TASP1: variants seen among roughly 807,000 people sequenced by gnomAD.
TASP1 encodes the protein taspase 1.
Under a neutral mutation model 56.6 loss-of-function variants are expected in TASP1, and 16 were observed. That is an observed-to-expected ratio of 0.28 (90% confidence interval 0.19 to 0.43). The LOEUF (loss-of-function observed/expected upper bound fraction) is 0.43. Ranked by LOEUF, TASP1 falls within the 20% of genes least tolerant of loss-of-function variation. TASP1 has a pLI of 1.00. For missense variants in TASP1, 393 were observed against 511.6 expected (o/e 0.77, Z 2.24); for synonymous variants, 179 against 184.2 (o/e 0.97, Z 0.23).
In TASP1 at chr20:13,591,658, C is replaced by A. The variant is rs116214038; in HGVS notation, c.283-4288G>T. Among the ~76,000 whole-genome samples, 1,022 of 152,264 alleles carry A rather than the reference C, an allele frequency of 6.7e-3. 11 individuals carry two copies. Among genetic ancestry groups the A allele is most frequent in the African/African-American group, 0.023 (969 of 41,564 alleles). On this transcript the variant is annotated intron_variant, in intron 4 of 13. Coordinates refer to ENST00000337743, the MANE Select transcript of TASP1 (RefSeq NM_017714.3). ...TGCAAAAGAATGCAAGTGATTAATA[C>A]TCTAAATAAGTGGGAAGATATAAAG... is the stretch of plus-strand genomic sequence containing the variant.
intron 1 of TASP1, among the ~76,000 whole-genome samples, chr20:13,630,687 C>CAAAAAAAAAAAAAA (rs33973259): frequency 1.5e-5 from 1 of 65,548 alleles, no homozygotes; most frequent in East Asian, 4.5e-4. Context: ...AGCTCTGTCT[C>CAAAAAAAAAAAAAA]AAAAAAAAAA....
At chr20:13,142,927 T>C in the TASP1 span, among the ~76,000 whole-genome samples, 1 of 152,122 alleles carries the variant, frequency 6.6e-6, no homozygotes, top group Non-Finnish European at 1.5e-5. Context: ...TCTCTTTGAA[T>C]CTCTTTTAAA....
intron 10 of TASP1, among the ~76,000 whole-genome samples, chr20:13,498,253 C>T (rs1288369625): frequency 1.3e-5 from 2 of 151,742 alleles, no homozygotes; most frequent in African/African-American, 2.4e-5. Flanking sequence ...CTATAAGGAA[C>T]TTAACTCAAT....
At chr20:13,596,701 AC>A (rs1193698338) in intron 4 of TASP1, among the ~76,000 whole-genome samples, 26 of 152,340 alleles carry the variant, frequency 1.7e-4, no homozygotes, top group African/African-American at 5.1e-4. Context: ...ACTGAAGGAG[AC>A]AGAGACACAA....
At chr20:13,358,251 C>G in the TASP1 span, among the ~76,000 whole-genome samples, 4 of 152,180 alleles carry the variant, frequency 2.6e-5, no homozygotes, top group Non-Finnish European at 4.4e-5. Flanking sequence ...GGACTCAGCC[C>G]GCCTGCACCC....
chr20:13,309,990 T>C, the TASP1 span, among the ~76,000 whole-genome samples: 5 of 152,282 alleles, frequency 3.3e-5, no homozygotes, highest in South Asian at 8.3e-4. Flanking sequence ...TGGAAGAATT[T>C]ATATCACAAA....
At chr20:13,158,377 G>A in the TASP1 span, among the ~76,000 whole-genome samples, 3 of 152,146 alleles carry the variant, frequency 2.0e-5, no homozygotes, top group South Asian at 6.2e-4. Flanking sequence ...CGCCAGGTTA[G>A]ACTAATGAAT....
the TASP1 span, among the ~76,000 whole-genome samples, chr20:13,212,040 G>A: frequency 2.6e-5 from 4 of 152,068 alleles, no homozygotes; most frequent in Admixed American, 6.6e-5. Flanking sequence ...TGGGGTTTTT[G>A]GCAGAGATAA....
At chr20:13,581,939 C>A (rs953908009) in intron 5 of TASP1, among the ~76,000 whole-genome samples, 5 of 152,066 alleles carry the variant, frequency 3.3e-5, no homozygotes, top group African/African-American at 1.2e-4. Context: ...CAGCCAATAT[C>A]GGAGACCATA....
At chr20:13,200,438 C>T in the TASP1 span, among the ~76,000 whole-genome samples, 2 of 152,180 alleles carry the variant, frequency 1.3e-5, no homozygotes, top group Non-Finnish European at 2.9e-5. Flanking sequence ...CAAAATAAAC[C>T]TCAACAGCAT....
intron 11 of TASP1, among the ~76,000 whole-genome samples, chr20:13,443,796 C>T (rs2043303038): frequency 6.6e-6 from 1 of 152,130 alleles, no homozygotes; most frequent in Admixed American, 6.5e-5. Context: ...TAACAGATTC[C>T]TAATTAGAAA....
At chr20:13,108,786 C>T in the TASP1 span, among the ~76,000 whole-genome samples, 1 of 152,034 alleles carries the variant, frequency 6.6e-6, no homozygotes, top group Non-Finnish European at 1.5e-5. Flanking sequence ...ATGTTGGTCC[C>T]GAACTCCTGA....
rs144044186 is a variant in TASP1, at chr20:13,430,972, G to A, written c.1096+4072C>T. Among the ~76,000 whole-genome samples the A allele has an allele frequency of 4.6e-3, 694 of 152,280 alleles. 3 individuals are homozygous for A. Among genetic ancestry groups the A allele is most frequent in the East Asian group, 0.012 (60 of 5,190 alleles). On this transcript the variant is annotated intron_variant, in intron 12 of 13. Transcript: ENST00000337743. ...CCAGGAAACTCCATCAAGTGGCAAT[G>A]AGGTTCGACTGAAAACTGCTTGTGT...
At chr20:13,238,047 A>T in the TASP1 span, 1 of 152,326 alleles carries the variant, frequency 6.6e-6, no homozygotes, top group East Asian at 1.9e-4. Context: ...TCCTCCTTCA[A>T]AGCTCAATTG....
chr20:13,445,853 G>C (rs927100307), intron 11 of TASP1, among the ~76,000 whole-genome samples: 1 of 152,126 alleles, frequency 6.6e-6, no homozygotes, highest in Non-Finnish European at 1.5e-5. Context: ...GGGTGGTATA[G>C]ATGCATATCT....
At chr20:13,396,693 A>C (rs1425021359) in intron 13 of TASP1, among the ~76,000 whole-genome samples, 1 of 152,246 alleles carries the variant, frequency 6.6e-6, no homozygotes, top group East Asian at 1.9e-4. Flanking sequence ...TCCCGAGTTC[A>C]GCCAACCAAT....
chr20:13,584,772 A>G (rs1303099779), intron 5 of TASP1, among the ~76,000 whole-genome samples: 1 of 152,202 alleles, frequency 6.6e-6, no homozygotes, highest in Non-Finnish European at 1.5e-5. Flanking sequence ...CAACAAAGAA[A>G]GCTAACTAAA....
At chr20:13,532,915 G>C (rs2045277597) in intron 9 of TASP1, among the ~76,000 whole-genome samples, 1 of 152,098 alleles carries the variant, frequency 6.6e-6, no homozygotes, top group South Asian at 2.1e-4. Flanking sequence ...CCAGACAAAG[G>C]CTTTTACAAT....
the TASP1 span, among the ~76,000 whole-genome samples, chr20:13,177,052 C>T: frequency 6.6e-6 from 1 of 152,050 alleles, no homozygotes; most frequent in Non-Finnish European, 1.5e-5. Context: ...CCAGGCTGGC[C>T]AACATGGTGA....
Sources: allele counts gnomAD v4.1 joint callset (sites outside exome capture counted in the v4.1 genomes callset), GRCh38; gene constraint gnomAD v4.1.1; transcripts MANE v1.5; gene names NCBI Gene and HGNC (gene_info 2026-07-23, HGNC 2026-07-21).